Variants in DRAM2 observed in about 807,000 individuals in gnomAD.
DRAM2 encodes the protein DNA damage regulated autophagy modulator 2, also known as DNA damage-regulated autophagy modulator protein 2.
In DRAM2, 26 loss-of-function variants were observed where a neutral mutation model predicts 33.5. The ratio of observed to expected loss-of-function variants is 0.78; its 90% CI spans 0.57 to 1.08. The LOEUF (loss-of-function observed/expected upper bound fraction) is 1.08, where lower values mean the gene tolerates loss of function less well. Among genes scored for constraint, DRAM2 ranks in the 50% least tolerant of loss-of-function variants. The pLI is 0.00. For missense variants in DRAM2, 311 were observed against 318.1 expected, an observed-to-expected ratio of 0.98 and a Z score of 0.17; for synonymous variants, 98 against 109.5, an observed-to-expected ratio of 0.89 and a Z score of 0.66.
intron 5 of DRAM2, 59 bp downstream of exon 5, chr1:111,126,168 A>G: frequency 2.7e-6 from 3 of 1,097,316 alleles, no homozygotes; most frequent in Non-Finnish European, 4.2e-6. Context: ...CAGTGTTGAA[A>G]GAAGAAAATA....
At chr1:111,121,844 G>A (rs1358776096) in intron 6 of DRAM2, among the ~76,000 whole-genome samples, 1 of 151,926 alleles carries the variant, frequency 6.6e-6, no homozygotes, top group Non-Finnish European at 1.5e-5. Context: ...AATGGTGAAC[G>A]TTTCGAAACC....
At chr1:111,118,544 G>A (rs908535335) in intron 9 of DRAM2, 6 of 484,978 alleles carry the variant, frequency 1.2e-5, no homozygotes, top group African/African-American at 4.0e-5. Context: ...ACACAGAATC[G>A]ATAACAAATT....
chr1:111,138,172 T>A (rs931860007), intron 2 of DRAM2, among the ~76,000 whole-genome samples: 1 of 152,234 alleles, frequency 6.6e-6, no homozygotes, highest in Admixed American at 6.5e-5. Context: ...TTATGTATGA[T>A]TTTTTTCTAT....
intron 9 of DRAM2, 131 bp from the exon 10 acceptor site, chr1:111,118,398 A>C (rs1649344991): frequency 1.6e-6 from 1 of 633,974 alleles, no homozygotes; most frequent in Admixed American, 3.1e-5. Flanking sequence ...CAGCTGTTTT[A>C]CTGTCAAAGG....
chr1:111,124,669 G>A, intron 6 of DRAM2, 73 bp downstream of exon 6: 1 of 1,489,360 alleles, frequency 6.7e-7, no homozygotes, highest in Non-Finnish European at 9.2e-7. Flanking sequence ...GTAACTGAAT[G>A]CTTCAGGTTT....
At chr1:111,130,939 G>A (rs1331351293) in intron 4 of DRAM2, among the ~76,000 whole-genome samples, 3 of 151,710 alleles carry the variant, frequency 2.0e-5, no homozygotes, top group Admixed American at 6.6e-5. Context: ...CTCGGGAGGC[G>A]GAGGTTGCAG....
At chr1:111,136,960 A>G (rs1653318396) in intron 3 of DRAM2, among the ~76,000 whole-genome samples, 1 of 151,474 alleles carries the variant, frequency 6.6e-6, no homozygotes, top group Non-Finnish European at 1.5e-5. Flanking sequence ...AATTTAGAAC[A>G]TTTCCATGAT....
At chr1:111,132,227 G>C (rs988177818) in intron 3 of DRAM2, among the ~76,000 whole-genome samples, 2 of 152,170 alleles carry the variant, frequency 1.3e-5, no homozygotes, top group African/African-American at 4.8e-5. Flanking sequence ...TGGGTTCAGA[G>C]AGCTTCTAGA....
At chr1:111,120,019 T>C (rs912268026) in intron 7 of DRAM2, 60 bp from the exon 8 acceptor site, 7 of 1,432,978 alleles carry the variant, frequency 4.9e-6, no homozygotes, top group African/African-American at 4.2e-5. Flanking sequence ...AAAAATCACT[T>C]TACAGTCTAA....
In DRAM2 at chr1:111,118,827, A is replaced by T. The variant is rs1295970349; in HGVS notation, c.671T>A (p.Leu224Gln). Residue 224 changes from leucine (L) to glutamine (Q), a missense_variant, in exon 9 of 10, where the codon CTG becomes CAG. Leu to Gln is a moderately radical substitution (Grantham distance 113, BLOSUM62 -2). Coordinates refer to ENST00000484310, the MANE Select transcript of DRAM2 (RefSeq NM_001349884.2). ...TACCTGAAAATCACGAATGTAAGTCAGGAAAAAACCAAAGAAGGAAAATGA... is the reference window on the plus strand; with the variant it reads ...TACCTGAAAATCACGAATGTAAGTCTGGAAAAAACCAAAGAAGGAAAATGA... ...SMSFSFFGFF[L>Q]TYIRDFQKIS... 1.9e-6 allele frequency: 3 copies of T among 1,609,258 alleles called. No homozygotes were observed. The South Asian group carries it at 3.3e-5, about 18-fold the overall frequency.
chr1:111,127,660 G>GA (rs779808490), intron 4 of DRAM2, among the ~76,000 whole-genome samples: 8 of 152,044 alleles, frequency 5.3e-5, no homozygotes, highest in Non-Finnish European at 1.2e-4. Flanking sequence ...ATTATTCTTA[G>GA]AAAAATCCAT....
intron 4 of DRAM2, among the ~76,000 whole-genome samples, chr1:111,129,392 G>C (rs188660507): frequency 3.5e-4 from 54 of 152,262 alleles, no homozygotes; most frequent in African/African-American, 1.3e-3. Flanking sequence ...AAATCATCTA[G>C]ATTAAAACAC....
chr1:111,126,485 A>T (rs1651046338), intron 4 of DRAM2, among the ~76,000 whole-genome samples, 191 bp from the exon 5 acceptor site: 1 of 151,878 alleles, frequency 6.6e-6, no homozygotes, highest in Non-Finnish European at 1.5e-5. Flanking sequence ...TTCACCTTTT[A>T]CTCACATCAT....
rs531074854 is a variant in DRAM2, at chr1:111,133,892, T to C, written c.-14-2324A>G. Among the ~76,000 whole-genome samples, 45 of 152,390 alleles carry C rather than the reference T, an allele frequency of 3.0e-4. No homozygotes were observed. The South Asian group carries it at 6.8e-3, about 23-fold the overall frequency. On this transcript the variant is annotated intron_variant, in intron 3 of 9. Transcript: ENST00000484310. Reference sequence around the variant, plus strand: ...CTCAATCTTTCCAGCTTCAGCTGAGTGTCCCTGCTTTGTTTTTAACAGCAC... The same window carrying C: ...CTCAATCTTTCCAGCTTCAGCTGAGCGTCCCTGCTTTGTTTTTAACAGCAC...
chr1:111,119,536 G>T (rs1649560548), intron 8 of DRAM2: 1 of 203,794 alleles, frequency 4.9e-6, no homozygotes, highest in Admixed American at 5.5e-5. Context: ...AAAAGTGGGA[G>T]AAGATGTCTT....
rs1318566526 is a variant in DRAM2 at position 111,131,420 on chromosome 1, T to C, written c.131+4A>G. ...CTCCTATACAAAGAATACATTTCAC[T>C]TACCTGATATAAGGTAAAGCCGGGT... On this transcript the variant is annotated splice_donor_region_variant and intron_variant, in intron 4 of 9. Coordinates refer to ENST00000484310, the MANE Select transcript of DRAM2 (RefSeq NM_001349884.2). 1.2e-6 allele frequency: 2 copies of C among 1,611,874 alleles called. No homozygotes were observed. The highest frequency in any genetic ancestry group is 1.7e-6 in the Non-Finnish European group (2 of 1,179,026).
intron 4 of DRAM2, 132 bp from the exon 5 acceptor site, chr1:111,126,426 C>G (rs1304788375): frequency 3.6e-6 from 2 of 557,282 alleles, no homozygotes; most frequent in African/African-American, 3.8e-5. Flanking sequence ...CAACTCATAT[C>G]ATTTTATACA....
chr1:111,118,825 T>G lies in DRAM2; in HGVS notation c.673A>C (p.Thr225Pro). 3.1e-6 allele frequency: 5 copies of G among 1,608,586 alleles called. No individual in the cohort carries two copies. Among genetic ancestry groups the G allele is most frequent in the Non-Finnish European group, 4.2e-6 (5 of 1,176,736 alleles). ...CTTACCTGAAAATCACGAATGTAAG[T>G]CAGGAAAAAACCAAAGAAGGAAAAT... is the stretch of plus-strand genomic sequence containing the variant. Reference protein sequence around the residue: ...MSFSFFGFFLTYIRDFQKISL... With the variant: ...MSFSFFGFFLPYIRDFQKISL... Residue 225 changes from threonine (T) to proline (P), a missense_variant, in exon 9 of 10, where the codon ACT becomes CCT. Transcript: ENST00000484310.
intron 3 of DRAM2, among the ~76,000 whole-genome samples, chr1:111,132,221 T>C (rs1652248218): frequency 6.6e-6 from 1 of 152,124 alleles, no homozygotes; most frequent in Non-Finnish European, 1.5e-5. Context: ...ATGGACTGGG[T>C]TCAGAGAGCT....
Sources: gnomAD v4.1 joint callset for allele counts (sites outside exome capture counted in the v4.1 genomes callset) on GRCh38, gnomAD v4.1.1 for gene constraint, MANE v1.5 for transcripts, NCBI Gene and HGNC (gene_info 2026-07-23, HGNC 2026-07-21) for gene names.